The following GRIA1 variants were observed in gnomAD, a reference collection of about 807,000 sequenced individuals.
GRIA1 encodes glutamate ionotropic receptor AMPA type subunit 1.
A neutral mutation model predicts 99.2 loss-of-function variants in GRIA1; 31 were observed. The observed-to-expected ratio is 0.31, with a 90% CI of 0.23 to 0.42. The LOEUF is 0.42. Ranked by LOEUF, GRIA1 falls within the 10% of genes least tolerant of loss-of-function variation. The pLI is 1.00. For synonymous variants in GRIA1, 438 were observed against 432.4 expected, an observed-to-expected ratio of 1.01 and a Z score of -0.16; for missense variants, 782 against 1,157.5, an observed-to-expected ratio of 0.68 and a Z score of 4.71.
At chr5:153,655,281 AAAG>A in intron 4 of GRIA1, among the ~76,000 whole-genome samples, 1 of 152,314 alleles carries the variant, frequency 6.6e-6, no homozygotes, top group African/African-American at 2.4e-5. Context: ...TCAGAAAAAG[AAAG>A]AAGAGCATCT....
intron 2 of GRIA1, among the ~76,000 whole-genome samples, chr5:153,638,540 C>T (rs1370448772): frequency 6.6e-6 from 1 of 152,176 alleles, no homozygotes. Context: ...CAGGGGCGGC[C>T]CATGCCCAAG....
chr5:153,687,550 G>A (rs1757426507), intron 8 of GRIA1, among the ~76,000 whole-genome samples: 1 of 152,184 alleles, frequency 6.6e-6, no homozygotes, highest in Non-Finnish European at 1.5e-5. Context: ...CTAGCCGTAT[G>A]TGGCTGTTTA....
At chr5:153,723,466 G>T (rs553332698) in intron 11 of GRIA1, among the ~76,000 whole-genome samples, 1 of 152,356 alleles carries the variant, frequency 6.6e-6, no homozygotes, top group Admixed American at 6.5e-5. Flanking sequence ...AAACGCAAGG[G>T]ATCAGGGAGT....
chr5:153,777,376 C>T (rs750896371), intron 13 of GRIA1, among the ~76,000 whole-genome samples: 19 of 152,144 alleles, frequency 1.2e-4, no homozygotes, highest in Non-Finnish European at 2.6e-4. Flanking sequence ...GGAGTCAGAT[C>T]ACCTCCACTC....
At chr5:153,805,271 C>G (rs1766352250) in intron 15 of GRIA1, among the ~76,000 whole-genome samples, 1 of 151,976 alleles carries the variant, frequency 6.6e-6, no homozygotes, top group Non-Finnish European at 1.5e-5. Flanking sequence ...TTTTATTATC[C>G]CTATTTACAT....
intron 2 of GRIA1, chr5:153,525,168 C>A (rs1333751280): frequency 6.6e-6 from 1 of 152,078 alleles, no homozygotes; most frequent in Non-Finnish European, 1.5e-5. Flanking sequence ...TATCTTTTTT[C>A]TTTCATTTCA....
At position 153,664,777 on chromosome 5, in the gene GRIA1, G is replaced by GT. The variant is rs1367180423; in HGVS notation, c.699+8907dup. Among the ~76,000 whole-genome samples, 8 of 152,150 alleles carry GT rather than the reference G, an allele frequency of 5.3e-5. No individual in the cohort carries two copies. In the East Asian group the frequency reaches 9.7e-4, roughly 18 times the overall value. On this transcript the variant is annotated intron_variant, in intron 5 of 15. Coordinates refer to ENST00000285900, the MANE Select transcript of GRIA1 (RefSeq NM_000827.4). ...GATTTACTACAATATTTCTTACCTG[G>GT]TTCCCAGTAGCTTTCATATTTATCA... is the stretch of plus-strand genomic sequence containing the variant.
intron 2 of GRIA1, among the ~76,000 whole-genome samples, chr5:153,582,365 G>A (rs1271669235): frequency 6.6e-6 from 1 of 152,202 alleles, no homozygotes; most frequent in Non-Finnish European, 1.5e-5. Flanking sequence ...CCCTGTGAAA[G>A]TGTTGGCATA....
intron 2 of GRIA1, among the ~76,000 whole-genome samples, chr5:153,574,051 A>T (rs1419699794): frequency 6.6e-6 from 1 of 152,144 alleles, no homozygotes; most frequent in Non-Finnish European, 1.5e-5. Context: ...AGAACAAGTG[A>T]TGTGCAGAGA....
At chr5:153,598,762 G>A (rs1764637155) in intron 2 of GRIA1, among the ~76,000 whole-genome samples, 1 of 151,910 alleles carries the variant, frequency 6.6e-6, no homozygotes, top group Non-Finnish European at 1.5e-5. Context: ...TCTGTCCAAT[G>A]ATACTTTAAC....
At chr5:153,571,194 A>C (rs1272455384) in intron 2 of GRIA1, among the ~76,000 whole-genome samples, 1 of 152,172 alleles carries the variant, frequency 6.6e-6, no homozygotes, top group Non-Finnish European at 1.5e-5. Flanking sequence ...CCAAGTTCTG[A>C]TGACCAAAAC....
chr5:153,705,643 G>C (rs1447800843), intron 10 of GRIA1, 54 bp from the exon 11 acceptor site: 1 of 1,435,308 alleles, frequency 7.0e-7, no homozygotes, highest in East Asian at 2.5e-5. Context: ...GAATGAAAAG[G>C]GCTGCTGAGC....
intron 15 of GRIA1, among the ~76,000 whole-genome samples, chr5:153,804,913 G>A (rs955530242): frequency 9.2e-5 from 14 of 151,956 alleles, no homozygotes; most frequent in African/African-American, 3.4e-4. Flanking sequence ...CACCACACCT[G>A]GCTAATTTTT....
chr5:153,702,918 G>GA (rs1423001248), intron 10 of GRIA1, among the ~76,000 whole-genome samples: 1 of 152,168 alleles, frequency 6.6e-6, no homozygotes, highest in East Asian at 1.9e-4. Flanking sequence ...TTTAAAATGA[G>GA]GAAATTGACA....
At chr5:153,674,271 T>G (rs1304294286) in intron 5 of GRIA1, among the ~76,000 whole-genome samples, 1 of 152,236 alleles carries the variant, frequency 6.6e-6, no homozygotes, top group African/African-American at 2.4e-5. Context: ...TACTGGCTTA[T>G]GCATAGCAGC....
chr5:153,493,537 T>C (rs1754121550), intron 1 of GRIA1, among the ~76,000 whole-genome samples: 1 of 152,114 alleles, frequency 6.6e-6, no homozygotes, highest in Non-Finnish European at 1.5e-5. Context: ...GAGGCTGATG[T>C]AAGAAAAATT....
intron 2 of GRIA1, among the ~76,000 whole-genome samples, chr5:153,608,402 A>G (rs1186243888): frequency 1.3e-5 from 2 of 151,870 alleles, no homozygotes; most frequent in Non-Finnish European, 2.9e-5. Context: ...AAGGTGTTTC[A>G]CTGTAACCCA....
At chr5:153,736,199 G>A (rs1761367813) in intron 11 of GRIA1, among the ~76,000 whole-genome samples, 1 of 152,198 alleles carries the variant, frequency 6.6e-6, no homozygotes, top group Non-Finnish European at 1.5e-5. Context: ...AAAGTCTGGA[G>A]TTTTAGAAAC....
Position 153,770,224 on chromosome 5 carries a change from A to G in GRIA1, c.2079A>G (p.Pro693=). ...KMWTYMKSAE[P]SVFVRTTEEG... is the part of the protein sequence containing the mutation. ...GGACATACATGAAGTCAGCAGAGCC[A>G]TCAGTTTTTGTGCGGACCACAGAGG... The change falls in exon 13 of 16, where the codon CCA becomes CCG. Residue 693 remains proline (P), a synonymous_variant. Transcript: ENST00000285900. The G allele has an allele frequency of 6.2e-7, 1 of 1,613,936 alleles. No individual in the cohort carries two copies. The highest frequency in any genetic ancestry group is 8.5e-7 in the Non-Finnish European group (1 of 1,179,840).
Sources: gnomAD v4.1 joint callset for allele counts (sites outside exome capture counted in the v4.1 genomes callset) on GRCh38, gnomAD v4.1.1 for gene constraint, MANE v1.5 for transcripts, NCBI Gene and HGNC (gene_info 2026-07-23, HGNC 2026-07-21) for gene names.